CBFA2T2: variants seen among roughly 807,000 people sequenced by gnomAD.
The protein encoded by CBFA2T2 is protein CBFA2T2.
Under a neutral mutation model 62.2 loss-of-function variants are expected in CBFA2T2, and 11 were observed. The ratio of observed to expected loss-of-function variants is 0.18; its 90% CI spans 0.11 to 0.29. The LOEUF (loss-of-function observed/expected upper bound fraction) is 0.29, where lower values mean the gene tolerates loss of function less well. Ranked by LOEUF, CBFA2T2 falls within the 10% of genes least tolerant of loss-of-function variation. The probability of loss-of-function intolerance (pLI) is 1.00; values close to 1 mark genes in which losing one functional copy is unlikely to be tolerated. For synonymous variants in CBFA2T2, 295 were observed against 287.5 expected (o/e 1.03, Z -0.27); for missense variants, 592 against 774.1 (o/e 0.76, Z 2.79).
At chr20:33,528,630 C>G (rs1246730442) in intron 1 of CBFA2T2, among the ~76,000 whole-genome samples, 2 of 152,190 alleles carry the variant, frequency 1.3e-5, no homozygotes, top group South Asian at 2.1e-4. Flanking sequence ...TTAAGCTGCT[C>G]TGTACCTTTT....
chr20:33,595,432 G>A (rs1315760441), intron 1 of CBFA2T2, among the ~76,000 whole-genome samples: 7 of 152,232 alleles, frequency 4.6e-5, no homozygotes, highest in South Asian at 4.1e-4. Context: ...GGATGGTCTC[G>A]ATCTCTTGAC....
chr20:33,640,490 G>C lies in CBFA2T2; in HGVS notation c.1447G>C (p.Asp483His). Residue 483 changes from aspartate (D) to histidine (H), a missense_variant, in exon 10 of 11, where the codon GAT becomes CAT. Physicochemically the swap from Asp to His is moderately conservative, Grantham distance 81 (BLOSUM62 -1). Coordinates refer to ENST00000342704, the MANE Select transcript of CBFA2T2 (RefSeq NM_001032999.3). ...IADVKRQAAE[D>H]AFLVINEQEE... ...GGATGTCAAGCGGCAGGCCGCAGAG[G>C]ATGCTTTCCTCGTCATCAATGAGCA... 5 of 1,614,252 alleles carry C rather than the reference G, an allele frequency of 3.1e-6. No homozygotes were observed. Among genetic ancestry groups the C allele is most frequent in the Non-Finnish European group, 4.2e-6 (5 of 1,180,040 alleles).
intron 1 of CBFA2T2, among the ~76,000 whole-genome samples, chr20:33,578,075 A>C (rs2013913579): frequency 6.6e-6 from 1 of 152,200 alleles, no homozygotes; most frequent in African/African-American, 2.4e-5. Context: ...GTTCCTGGGC[A>C]TCTGAAGAAA....
At chr20:33,565,292 A>G (rs1171931548) in intron 1 of CBFA2T2, among the ~76,000 whole-genome samples, 1 of 152,212 alleles carries the variant, frequency 6.6e-6, no homozygotes, top group Non-Finnish European at 1.5e-5. Flanking sequence ...TGATAGGTGC[A>G]TTGTTCAACA....
intron 4 of CBFA2T2, among the ~76,000 whole-genome samples, chr20:33,622,252 T>C (rs1251667755): frequency 6.6e-6 from 1 of 152,240 alleles, no homozygotes; most frequent in East Asian, 1.9e-4. Flanking sequence ...ATTTCTGCTT[T>C]AAAACAGTCA....
intron 1 of CBFA2T2, among the ~76,000 whole-genome samples, chr20:33,594,585 T>C (rs910017869): frequency 6.6e-6 from 1 of 152,184 alleles, no homozygotes; most frequent in Non-Finnish European, 1.5e-5. Context: ...TATCAAATGC[T>C]GGAACCCAAG....
rs199805350 is a variant in CBFA2T2, at chr20:33,621,287, C to CTTTTTTTTTTTTTTT, written c.510+1693_510+1707dup. On this transcript the variant is annotated intron_variant, in intron 4 of 10. Coordinates refer to ENST00000342704, the MANE Select transcript of CBFA2T2 (RefSeq NM_001032999.3). The stretch of plus-strand genomic sequence containing the variant: ...TCTATAATACCTTTAATTTTACTGC[C>CTTTTTTTTTTTTTTT]TTTTTTTTTTTTTTTTTTTTTTTTT... Among the ~76,000 whole-genome samples, 75 of 85,298 alleles carry CTTTTTTTTTTTTTTT rather than the reference C, an allele frequency of 8.8e-4. 1 individual carries two copies. Among genetic ancestry groups the CTTTTTTTTTTTTTTT allele is most frequent in the African/African-American group, 1.2e-3 (23 of 19,296 alleles). 56.0% of individuals were successfully genotyped at this position (85,298 alleles called of 152,430 possible). A position where few individuals can be genotyped will look rare whatever the true frequency, so the allele number is the denominator to read the frequency against.
intron 10 of CBFA2T2, among the ~76,000 whole-genome samples, chr20:33,641,616 C>T (rs975809006): frequency 6.6e-6 from 1 of 152,222 alleles, no homozygotes; most frequent in Non-Finnish European, 1.5e-5. Context: ...TCAGCACTCA[C>T]TCTGTCACCG....
At position 33,644,825 on chromosome 20, in the gene CBFA2T2, G is replaced by A. The variant is rs2016994306; in HGVS notation, c.*179G>A. On this transcript the variant is annotated 3_prime_UTR_variant, in exon 11 of 11. Transcript: ENST00000342704. Reference sequence around the variant, plus strand: ...CAGCCTCTCTGTGCACTTGCTGTCTGCGGAGCCAGTGTGCCATTCTCTGCA... The same window carrying A: ...CAGCCTCTCTGTGCACTTGCTGTCTACGGAGCCAGTGTGCCATTCTCTGCA... 1.5e-6 allele frequency: 1 copy of A among 664,010 alleles called. No individual in the cohort carries two copies. The highest frequency in any genetic ancestry group is 1.8e-5 in the African/African-American group (1 of 54,872). The allele number at this position is 664,010 out of a possible 1,614,324, so 41.1% of individuals were successfully genotyped here. A position where few individuals can be genotyped will look rare whatever the true frequency, so the allele number is the denominator to read the frequency against.
At position 33,645,779 on chromosome 20, in the gene CBFA2T2, T is replaced by A. The variant is rs1431422759; in HGVS notation, c.*1133T>A. On this transcript the variant is annotated 3_prime_UTR_variant, in exon 11 of 11. Coordinates refer to ENST00000342704, the MANE Select transcript of CBFA2T2 (RefSeq NM_001032999.3). ...AGGTCATTATATCTACTATGTTGAT[T>A]TATCATCAGGCACACAACTTCTGTT... 2.0e-5 allele frequency: 3 copies of A among 152,210 alleles called. No homozygotes were observed. Among genetic ancestry groups the A allele is most frequent in the African/African-American group, 4.8e-5 (2 of 41,446 alleles). 9.4% of individuals were successfully genotyped at this position (152,210 alleles called of 1,614,324 possible). A position where few individuals can be genotyped will look rare whatever the true frequency, so the allele number is the denominator to read the frequency against.
At chr20:33,602,229 C>T (rs1024605131) in intron 1 of CBFA2T2, among the ~76,000 whole-genome samples, 1 of 151,916 alleles carries the variant, frequency 6.6e-6, no homozygotes, top group South Asian at 2.1e-4. Context: ...TGAAATATCC[C>T]CAGGGACAGA....
intron 10 of CBFA2T2, among the ~76,000 whole-genome samples, chr20:33,642,645 A>G (rs957674932): frequency 6.6e-6 from 1 of 152,124 alleles, no homozygotes; most frequent in African/African-American, 2.4e-5. Flanking sequence ...GACGATGGCA[A>G]GATGAGGGGG....
intron 1 of CBFA2T2, among the ~76,000 whole-genome samples, chr20:33,579,347 C>T (rs1017935972): frequency 1.3e-5 from 2 of 151,898 alleles, no homozygotes; most frequent in South Asian, 2.1e-4. Flanking sequence ...GGAATACATA[C>T]GTAAGCCACT....
At position 33,649,498 on chromosome 20, in the gene CBFA2T2, TCCTC is replaced by T. The variant is rs1210063653; in HGVS notation, c.*4855_*4858del. ...CCTGAGGGGCGGGCCTTGTGTCCCC[TCCTC>T]CCCCTCCACAGCCCCTGAGGTGGAG... On this transcript the variant is annotated 3_prime_UTR_variant, in exon 11 of 11. Coordinates refer to ENST00000342704, the MANE Select transcript of CBFA2T2 (RefSeq NM_001032999.3). 3.3e-5 allele frequency: 5 copies of T among 152,576 alleles called. No homozygotes were observed. Among genetic ancestry groups the T allele is most frequent in the African/African-American group, 1.2e-4 (5 of 41,468 alleles). The allele number at this position is 152,576 out of a possible 1,614,324, so 9.5% of individuals were successfully genotyped here.
intron 1 of CBFA2T2, among the ~76,000 whole-genome samples, chr20:33,545,069 T>C (rs1414606339): frequency 2.0e-5 from 3 of 152,066 alleles, no homozygotes; most frequent in Non-Finnish European, 2.9e-5. Flanking sequence ...GCTTACAGTT[T>C]GTGGTTTCTT....
chr20:33,599,254 T>C (rs753814591), intron 1 of CBFA2T2, among the ~76,000 whole-genome samples: 1 of 149,302 alleles, frequency 6.7e-6, no homozygotes, highest in Non-Finnish European at 1.5e-5. Flanking sequence ...AGTGAGACTC[T>C]GTCTCAAGAG....
rs1600888592 is a variant in CBFA2T2, at chr20:33,490,174, C to G, written c.-94C>G. On this transcript the variant is annotated 5_prime_UTR_variant, in exon 1 of 11. Transcript: ENST00000342704. ...GCTGCAGATCTCGCGGCGACGCCTG[C>G]GAGGGACCCGGGCCGCGGGTCGAGG... The G allele has an allele frequency of 8.5e-7, 1 of 1,173,392 alleles. No homozygotes were observed. The highest frequency in any genetic ancestry group is 3.5e-5 in the East Asian group (1 of 28,282). The allele number at this position is 1,173,392 out of a possible 1,614,324, so 72.7% of individuals were successfully genotyped here. A position where few individuals can be genotyped will look rare whatever the true frequency, so the allele number is the denominator to read the frequency against.
chr20:33,574,082 C>A, intron 1 of CBFA2T2: 1 of 1,486,910 alleles, frequency 6.7e-7, no homozygotes, highest in Non-Finnish European at 9.1e-7. Context: ...AGCCACCATA[C>A]CAGTTCCTGT....
At chr20:33,629,145 T>C (rs2016357479) in intron 7 of CBFA2T2, among the ~76,000 whole-genome samples, 1 of 152,246 alleles carries the variant, frequency 6.6e-6, no homozygotes, top group East Asian at 1.9e-4. Flanking sequence ...AAACTTTCTT[T>C]TTATTTTTTT....
Sources: allele counts gnomAD v4.1 joint callset (sites outside exome capture counted in the v4.1 genomes callset), GRCh38; gene constraint gnomAD v4.1.1; transcripts MANE v1.5; gene names NCBI Gene and HGNC (gene_info 2026-07-23, HGNC 2026-07-21).